The following MAPRE2 variants were observed in gnomAD, a reference collection of about 807,000 sequenced individuals.
MAPRE2 encodes microtubule associated protein RP/EB family member 2.
MAPRE2 carries 13 observed loss-of-function variants against 43.2 expected under a neutral mutation model. The observed-to-expected ratio is 0.30, with a 90% confidence interval of 0.20 to 0.48. The LOEUF is 0.48. MAPRE2 is among the 20% of genes least tolerant of loss of function. MAPRE2 has a pLI of 0.99. For missense variants in MAPRE2, 161 were observed against 400.2 expected (o/e 0.40, Z 5.10); for synonymous variants, 135 against 148.8 (o/e 0.91, Z 0.68).
At chr18:35,077,251 A>G (rs1012830205) in intron 2 of MAPRE2, among the ~76,000 whole-genome samples, 1,024 of 90,922 alleles carry the variant, frequency 0.011, 5 homozygotes, top group African/African-American at 0.073. Context: ...GCGCGCGCGC[A>G]CACACACACA....
At chr18:35,070,903 C>T (rs1907085988) in intron 2 of MAPRE2, among the ~76,000 whole-genome samples, 1 of 152,132 alleles carries the variant, frequency 6.6e-6, no homozygotes, top group Non-Finnish European at 1.5e-5. Context: ...GAAAATCTTG[C>T]TCATACTTTA....
At chr18:35,107,820 G>C (rs538997868) in intron 4 of MAPRE2, among the ~76,000 whole-genome samples, 1 of 151,880 alleles carries the variant, frequency 6.6e-6, no homozygotes, top group East Asian at 1.9e-4. Context: ...GGATTTTTTT[G>C]TTGTCCAGTT....
chr18:35,085,451 T>C (rs1362599760), intron 2 of MAPRE2, among the ~76,000 whole-genome samples: 1 of 152,218 alleles, frequency 6.6e-6, no homozygotes, highest in Non-Finnish European at 1.5e-5. Context: ...ATAGAAAATA[T>C]GGCTATGTTA....
At chr18:34,985,330 TAA>T (rs2097019495) in intron 1 of MAPRE2, among the ~76,000 whole-genome samples, 17 of 39,458 alleles carry the variant, frequency 4.3e-4, no homozygotes, top group African/African-American at 1.6e-3. Flanking sequence ...ATATATAATA[TAA>T]TATATAATAT....
chr18:35,063,997 C>CT (rs200111990), intron 1 of MAPRE2, among the ~76,000 whole-genome samples: 1 of 35,362 alleles, frequency 2.8e-5, no homozygotes, highest in Non-Finnish European at 5.2e-5. Flanking sequence ...GACCCTGTCT[C>CT]TTTAAAAAAA....
rs1182159297 is a variant in MAPRE2, at chr18:34,983,635, T to C, written c.-70+6556T>C. ...TTTTATTTCTTTTCATTTAATTTCA[T>C]TTATTTTATTTTGAGACCAAGTCTC... is the stretch of plus-strand genomic sequence containing the variant. On this transcript the variant is annotated intron_variant, in intron 1 of 7. Transcript: ENST00000413393. 2.0e-5 allele frequency among the ~76,000 whole-genome samples: 3 copies of C among 152,204 alleles called. No homozygotes were observed. The East Asian group carries it at 5.8e-4, about 29-fold the overall frequency.
intron 5 of MAPRE2, among the ~76,000 whole-genome samples, chr18:35,129,604 C>G (rs1266118722): frequency 6.6e-6 from 1 of 152,106 alleles, no homozygotes; most frequent in East Asian, 1.9e-4. Flanking sequence ...GGTTAGCCAC[C>G]CAGAAGTGGG....
chr18:34,999,352 A>G (rs2097028194), intron 1 of MAPRE2, among the ~76,000 whole-genome samples: 1 of 152,200 alleles, frequency 6.6e-6, no homozygotes, highest in Non-Finnish European at 1.5e-5. Context: ...TTTTGAAAGA[A>G]TTTTACTTTT....
At chr18:35,038,367 A>C (rs1180545304), upstream of MAPRE2, among the ~76,000 whole-genome samples, 1 of 152,178 alleles carries the variant, frequency 6.6e-6, no homozygotes, top group Non-Finnish European at 1.5e-5. Flanking sequence ...AACCATACTA[A>C]GCTACTGATT....
intron 6 of MAPRE2, among the ~76,000 whole-genome samples, chr18:35,135,742 A>G (rs1467921551): frequency 6.6e-6 from 1 of 152,206 alleles, no homozygotes; most frequent in Non-Finnish European, 1.5e-5. Flanking sequence ...TGTGATGGGT[A>G]GATTTGCACC....
At chr18:35,050,928 A>C (rs548089646) in intron 1 of MAPRE2, among the ~76,000 whole-genome samples, 30 of 152,330 alleles carry the variant, frequency 2.0e-4, no homozygotes, top group African/African-American at 7.0e-4. Context: ...GAAAAAAACA[A>C]GAACAAAGCT....
chr18:35,131,074 A>G (rs1477651585), intron 5 of MAPRE2, among the ~76,000 whole-genome samples: 1 of 152,192 alleles, frequency 6.6e-6, no homozygotes, highest in Non-Finnish European at 1.5e-5. Context: ...CCCGAACTAG[A>G]GAAATTGAGA....
At chr18:35,125,915 T>C (rs1417808220) in intron 4 of MAPRE2, among the ~76,000 whole-genome samples, 1 of 152,198 alleles carries the variant, frequency 6.6e-6, no homozygotes, top group African/African-American at 2.4e-5. Flanking sequence ...TGTAAGGGTG[T>C]GTTTTCCCCT....
chr18:34,989,381 T>C (rs781278867), intron 1 of MAPRE2, among the ~76,000 whole-genome samples: 2 of 152,192 alleles, frequency 1.3e-5, no homozygotes, highest in Non-Finnish European at 2.9e-5. Context: ...GATTCAAGCT[T>C]GGACTTTGTC....
chr18:35,059,327 A>G (rs1049254512), intron 1 of MAPRE2, among the ~76,000 whole-genome samples: 37 of 152,170 alleles, frequency 2.4e-4, no homozygotes, highest in African/African-American at 8.9e-4. Context: ...CACCTTTAAA[A>G]AAAAAAAAAT....
At chr18:34,995,923 A>G (rs2097026265) in intron 1 of MAPRE2, among the ~76,000 whole-genome samples, 1 of 152,168 alleles carries the variant, frequency 6.6e-6, no homozygotes, top group African/African-American at 2.4e-5. Flanking sequence ...AGAAGATTTT[A>G]GAAAGGCGGA....
intron 1 of MAPRE2, among the ~76,000 whole-genome samples, chr18:34,994,218 G>T (rs2097025299): frequency 6.6e-6 from 1 of 151,860 alleles, no homozygotes; most frequent in Non-Finnish European, 1.5e-5. Context: ...AGAAAAACAA[G>T]CTTCTCTAGG....
chr18:35,132,762 T>G (rs1910215900), intron 6 of MAPRE2, among the ~76,000 whole-genome samples: 1 of 152,178 alleles, frequency 6.6e-6, no homozygotes, highest in African/African-American at 2.4e-5. Flanking sequence ...CAAGTGCTGA[T>G]GGAGACCCAG....
At chr18:34,994,644 A>G (rs1423705518) in intron 1 of MAPRE2, among the ~76,000 whole-genome samples, 5 of 152,178 alleles carry the variant, frequency 3.3e-5, no homozygotes, top group Non-Finnish European at 5.9e-5. Context: ...ATTTAATTCT[A>G]TTGTAATATT....
Sources: allele counts gnomAD v4.1 joint callset (sites outside exome capture counted in the v4.1 genomes callset), GRCh38; gene constraint gnomAD v4.1.1; transcripts MANE v1.5; gene names NCBI Gene and HGNC (gene_info 2026-07-23, HGNC 2026-07-21).